The following NOS1 variants were observed in gnomAD, a reference collection of about 807,000 sequenced individuals.
The protein encoded by NOS1 is NOS type I.
NOS1 carries 51 observed loss-of-function variants against 164.5 expected under a neutral mutation model. The ratio of observed to expected loss-of-function variants is 0.31; its 90% CI spans 0.25 to 0.39. The LOEUF (loss-of-function observed/expected upper bound fraction) is 0.39. NOS1 is among the 10% of genes least tolerant of loss of function. The probability of loss-of-function intolerance (pLI) is 1.00; values close to 1 mark genes in which losing one functional copy is unlikely to be tolerated. For missense variants in NOS1, 1,362 were observed against 1,885.6 expected (o/e 0.72, Z 5.14); for synonymous variants, 719 against 745.8 (o/e 0.96, Z 0.59).
At chr12:117,359,241 A>G (rs2136101090) in intron 1 of NOS1, among the ~76,000 whole-genome samples, 1 of 152,080 alleles carries the variant, frequency 6.6e-6, no homozygotes, top group Middle Eastern at 3.4e-3. Flanking sequence ...CCCCTCCTTC[A>G]GGGACCTGCC....
intron 3 of NOS1, among the ~76,000 whole-genome samples, chr12:117,295,345 G>C (rs1330738986): frequency 1.3e-5 from 2 of 152,192 alleles, no homozygotes; most frequent in Non-Finnish European, 2.9e-5. Context: ...AAAGTTATAT[G>C]ATGTTCAAAT....
At chr12:117,334,988 T>C (rs1354747422) in intron 1 of NOS1, among the ~76,000 whole-genome samples, 2 of 152,212 alleles carry the variant, frequency 1.3e-5, no homozygotes, top group Non-Finnish European at 2.9e-5. Flanking sequence ...GAGTTGTTTA[T>C]TTTCTCTAAA....
intron 23 of NOS1, 61 bp downstream of exon 23, chr12:117,227,370 C>T (rs1592929703): frequency 1.3e-6 from 2 of 1,538,972 alleles, no homozygotes; most frequent in South Asian, 1.1e-5. Context: ...TTTAGGGAAC[C>T]CTCCAGAGGC....
At chr12:117,252,667 A>T (rs550961766) in intron 17 of NOS1, among the ~76,000 whole-genome samples, 29 of 152,200 alleles carry the variant, frequency 1.9e-4, no homozygotes, top group Non-Finnish European at 2.8e-4. Flanking sequence ...GGACAGGAGG[A>T]TGTGGGAACT....
At chr12:117,359,883 T>C (rs1297889551) in intron 1 of NOS1, among the ~76,000 whole-genome samples, 31 of 16,502 alleles carry the variant, frequency 1.9e-3, no homozygotes, top group Middle Eastern at 0.023. Flanking sequence ...GTTTTATATA[T>C]ATATATATAT....
At chr12:117,251,441 T>C (rs1326906377) in intron 17 of NOS1, among the ~76,000 whole-genome samples, 1 of 152,072 alleles carries the variant, frequency 6.6e-6, no homozygotes, top group Non-Finnish European at 1.5e-5. Context: ...ATCACAATCT[T>C]CAGCTTATGA....
At chr12:117,255,540 A>G (rs1042507866) in intron 16 of NOS1, among the ~76,000 whole-genome samples, 1 of 152,234 alleles carries the variant, frequency 6.6e-6, no homozygotes, top group African/African-American at 2.4e-5. Context: ...GCCCTAAAAT[A>G]GTCTCACATT....
At chr12:117,226,441 A>G (rs1353441826) in intron 24 of NOS1, among the ~76,000 whole-genome samples, 1 of 152,156 alleles carries the variant, frequency 6.6e-6, no homozygotes, top group Non-Finnish European at 1.5e-5. Flanking sequence ...CACCTAGCCC[A>G]GTACACGCCC....
Position 117,220,086 on chromosome 12 carries a change from T to A in NOS1, c.4159A>T (p.Ser1387Cys), listed in dbSNP as rs759914456. ...AGCCTGTCACTCACCCTCATCCGGC[T>A]GATGAATACGCCGGCGTCCTCTGCC... ...LSAEDAGVFISRMRDDNRYHE... is the reference protein window; with the variant it reads ...LSAEDAGVFICRMRDDNRYHE... The change falls in exon 27 of 29, where the codon AGC (serine) becomes TGC (cysteine). Residue 1387 changes from serine to cysteine, a missense_variant. Ser to Cys is a moderately radical substitution (Grantham distance 112). Transcript: ENST00000317775. The A allele has an allele frequency of 6.2e-7, 1 of 1,609,064 alleles. No homozygotes were observed. The highest frequency in any genetic ancestry group is 1.1e-5 in the South Asian group (1 of 90,174).
At chr12:117,351,494 G>C (rs183174632) in intron 1 of NOS1, among the ~76,000 whole-genome samples, 1 of 152,242 alleles carries the variant, frequency 6.6e-6, no homozygotes, top group Admixed American at 6.5e-5. Context: ...AAATTACTTG[G>C]AAATCCCAGC....
chr12:117,274,538 G>A (rs575530971), intron 9 of NOS1, among the ~76,000 whole-genome samples: 29 of 152,252 alleles, frequency 1.9e-4, no homozygotes, highest in African/African-American at 6.7e-4. Context: ...GGAGGCCGAG[G>A]CAGGTGGATC....
At chr12:117,337,104 C>CTATTTTTTTT (rs1566082153) in intron 1 of NOS1, among the ~76,000 whole-genome samples, 2 of 94,074 alleles carry the variant, frequency 2.1e-5, no homozygotes, top group African/African-American at 3.9e-5. Flanking sequence ...CTGCTTTTTA[C>CTATTTTTTTT]TCTTTTTTTT....
At chr12:117,236,324 C>G (rs10774909) in intron 20 of NOS1, among the ~76,000 whole-genome samples, 42,795 of 151,906 alleles carry the variant, frequency 0.28, 7,037 homozygotes, top group African/African-American at 0.45. Flanking sequence ...ATTTAAAGGA[C>G]TTTTTGGCTC....
At chr12:117,260,851 G>A (rs1871845573) in intron 13 of NOS1, among the ~76,000 whole-genome samples, 2 of 151,820 alleles carry the variant, frequency 1.3e-5, no homozygotes, top group Admixed American at 6.6e-5. Context: ...TAGAGATAAT[G>A]CTGGATATTA....
At chr12:117,215,581 TG>T (rs1343072147) in intron 28 of NOS1, among the ~76,000 whole-genome samples, 1 of 152,010 alleles carries the variant, frequency 6.6e-6, no homozygotes, top group Non-Finnish European at 1.5e-5. Context: ...TACAGGTGCC[TG>T]CCACCACGCC....
chr12:117,257,310 T>C (rs1184526483), intron 16 of NOS1, among the ~76,000 whole-genome samples: 2 of 151,874 alleles, frequency 1.3e-5, no homozygotes, highest in Admixed American at 6.6e-5. Context: ...TTTGAACTCC[T>C]GGCCTCAAGC....
At position 117,208,404 on chromosome 12, in the gene NOS1, G is replaced by A; in HGVS notation, c.*6905C>T. 1 of 1,284,296 alleles carries A rather than the reference G, an allele frequency of 7.8e-7. No homozygotes were observed. Among genetic ancestry groups the A allele is most frequent in the Non-Finnish European group, 1.0e-6 (1 of 986,316 alleles). 79.6% of individuals were successfully genotyped at this position (1,284,296 alleles called of 1,614,324 possible). A position where few individuals can be genotyped will look rare whatever the true frequency, so the allele number is the denominator to read the frequency against. ...AGTTTCTGACAGCGTGTGTGTGTGT[G>A]TGTGTGTGTGTGTGTGTGGTGAGAT... is the stretch of plus-strand genomic sequence containing the variant. On this transcript the variant is annotated 3_prime_UTR_variant, in exon 29 of 29. Coordinates refer to ENST00000317775, the MANE Select transcript of NOS1 (RefSeq NM_000620.5).
intron 2 of NOS1, among the ~76,000 whole-genome samples, chr12:117,324,689 C>A (rs1212300666): frequency 6.7e-6 from 1 of 150,350 alleles, no homozygotes; most frequent in Non-Finnish European, 1.5e-5. Context: ...GCACTCCAGC[C>A]TGGGCTACAG....
intron 1 of NOS1, among the ~76,000 whole-genome samples, chr12:117,359,146 C>A (rs1876995765): frequency 6.6e-6 from 1 of 152,210 alleles, no homozygotes; most frequent in African/African-American, 2.4e-5. Flanking sequence ...AGTGGCAGAG[C>A]CGTGCGCCCC....
Sources: gnomAD v4.1 joint callset for allele counts (sites outside exome capture counted in the v4.1 genomes callset) on GRCh38, gnomAD v4.1.1 for gene constraint, MANE v1.5 for transcripts, NCBI Gene and HGNC (gene_info 2026-07-23, HGNC 2026-07-21) for gene names.